QTMAN: variants seen among roughly 807,000 people sequenced by gnomAD.
QTMAN encodes queuosine-tRNA mannosyltransferase, also known as tRNA-queuosine alpha-mannosyltransferase.
chr2:144,248,330 T>C, the QTMAN span, among the ~76,000 whole-genome samples: 8 of 152,304 alleles, frequency 5.3e-5, no homozygotes, highest in African/African-American at 1.9e-4. Flanking sequence ...CAATGAAATA[T>C]ACATGAAAAT....
chr2:144,332,444 C>T, the QTMAN span: 5 of 148,112 alleles, frequency 3.4e-5, no homozygotes, highest in Admixed American at 2.7e-4. Context: ...CTCACCTCCT[C>T]CTCCTCCTCC....
At chr2:144,214,445 T>C in the QTMAN span, among the ~76,000 whole-genome samples, 2 of 152,188 alleles carry the variant, frequency 1.3e-5, no homozygotes, top group South Asian at 4.1e-4. Context: ...CTAATAGAAA[T>C]GAATCTGCTT....
the QTMAN span, among the ~76,000 whole-genome samples, chr2:143,992,402 G>T: frequency 1.4e-5 from 2 of 145,944 alleles, no homozygotes; most frequent in African/African-American, 5.1e-5. Flanking sequence ...CACTGCGGAA[G>T]GCCTCAGGGT....
chr2:144,249,850 G>C, the QTMAN span, among the ~76,000 whole-genome samples: 1 of 151,942 alleles, frequency 6.6e-6, no homozygotes, highest in Non-Finnish European at 1.5e-5. Context: ...AAAACATAAG[G>C]TTTATTTTAC....
At chr2:143,944,281 G>A in the QTMAN span, 3 of 152,058 alleles carry the variant, frequency 2.0e-5, no homozygotes, top group Non-Finnish European at 2.9e-5. Flanking sequence ...ATTTTTAAAT[G>A]TTAAGAATTA....
the QTMAN span, among the ~76,000 whole-genome samples, chr2:144,123,663 G>T: frequency 7.9e-5 from 12 of 152,172 alleles, 1 homozygote; most frequent in African/African-American, 2.9e-4. Context: ...ATATATCTAA[G>T]AATATAAGGA....
the QTMAN span, among the ~76,000 whole-genome samples, chr2:144,188,522 G>GATGA: frequency 1.6e-4 from 25 of 151,728 alleles, no homozygotes; most frequent in Non-Finnish European, 7.4e-5. Flanking sequence ...TGGATGGATG[G>GATGA]ATGGATGGAT....
At chr2:144,088,469 A>T in the QTMAN span, among the ~76,000 whole-genome samples, 2 of 152,058 alleles carry the variant, frequency 1.3e-5, no homozygotes, top group Non-Finnish European at 2.9e-5. Context: ...TAGAAAAAAC[A>T]ATTCTAAATT....
At chr2:144,043,488 G>T in the QTMAN span, among the ~76,000 whole-genome samples, 4 of 151,930 alleles carry the variant, frequency 2.6e-5, no homozygotes, top group African/African-American at 9.7e-5. Flanking sequence ...ACAAAAATTA[G>T]CCCAGCGTGG....
the QTMAN span, among the ~76,000 whole-genome samples, chr2:144,298,398 C>T: frequency 6.6e-6 from 1 of 151,918 alleles, no homozygotes; most frequent in African/African-American, 2.4e-5. Context: ...ATCCCACTGC[C>T]CAAAAGAGTA....
chr2:143,951,993 G>A, the QTMAN span: 51 of 1,550,212 alleles, frequency 3.3e-5, no homozygotes, highest in Non-Finnish European at 4.0e-5. Flanking sequence ...TTATAGAGAT[G>A]TTTTCTTATA....
At chr2:144,205,545 T>A in the QTMAN span, among the ~76,000 whole-genome samples, 1 of 152,184 alleles carries the variant, frequency 6.6e-6, no homozygotes. Flanking sequence ...AAGGGCTGGA[T>A]ACCTATCCAT....
chr2:144,068,639 A>AT, the QTMAN span, among the ~76,000 whole-genome samples: 1 of 152,166 alleles, frequency 6.6e-6, no homozygotes, highest in South Asian at 2.1e-4. Context: ...GTGAAAACAA[A>AT]CAATCTTTTT....
the QTMAN span, among the ~76,000 whole-genome samples, chr2:144,322,088 A>G: frequency 6.6e-6 from 1 of 152,212 alleles, no homozygotes; most frequent in Non-Finnish European, 1.5e-5. Context: ...ACAGTAGTCC[A>G]CTGATACATT....
the QTMAN span, among the ~76,000 whole-genome samples, chr2:144,217,931 A>G: frequency 1.6e-4 from 25 of 152,332 alleles, no homozygotes; most frequent in African/African-American, 5.8e-4. Context: ...CACGTAGGAT[A>G]TATTTATACA....
chr2:144,265,246 G>A, the QTMAN span, among the ~76,000 whole-genome samples: 1 of 152,214 alleles, frequency 6.6e-6, no homozygotes, highest in Non-Finnish European at 1.5e-5. Flanking sequence ...CTTGAACTGG[G>A]ATGATTCAAC....
chr2:144,285,955 G>C, the QTMAN span, among the ~76,000 whole-genome samples: 1 of 152,118 alleles, frequency 6.6e-6, no homozygotes, highest in Non-Finnish European at 1.5e-5. Context: ...AATTTAGCAG[G>C]CCTTTCTATC....
At chr2:144,322,420 C>T in the QTMAN span, among the ~76,000 whole-genome samples, 1 of 151,898 alleles carries the variant, frequency 6.6e-6, no homozygotes, top group African/African-American at 2.4e-5. Context: ...TTTAGGAAAA[C>T]AAAATGTTTT....
the QTMAN span, among the ~76,000 whole-genome samples, chr2:144,000,794 G>C: frequency 1.6e-4 from 24 of 151,968 alleles, no homozygotes; most frequent in Non-Finnish European, 3.4e-4. Context: ...ATCTTTTCCA[G>C]AACCATTATT....
Sources: allele counts gnomAD v4.1 joint callset (sites outside exome capture counted in the v4.1 genomes callset), GRCh38; gene constraint gnomAD v4.1.1; transcripts MANE v1.5; gene names NCBI Gene and HGNC (gene_info 2026-07-23, HGNC 2026-07-21).